SCN3A: variants seen among roughly 807,000 people sequenced by gnomAD.
SCN3A encodes the protein sodium channel protein type 3 subunit alpha.
In SCN3A, 60 loss-of-function variants were observed where a neutral mutation model predicts 187.6. The observed-to-expected ratio is 0.32, with a 90% confidence interval of 0.26 to 0.40. The LOEUF (loss-of-function observed/expected upper bound fraction) is 0.40, where lower values mean the gene tolerates loss of function less well. Among genes scored for constraint, SCN3A ranks in the 10% least tolerant of loss-of-function variants. SCN3A has a pLI of 1.00. For synonymous variants in SCN3A, 788 were observed against 829.2 expected (o/e 0.95, Z 0.85); for missense variants, 1,601 against 2,428.2 (o/e 0.66, Z 7.16).
rs950595171 is a variant in SCN3A, at chr2:165,090,457, T to A, written c.5696A>T (p.Gln1899Leu). ...EPITTTLKRK[Q>L]EEVSAAIIQR... ...AATGATAGCGGCAGACACCTCCTCT[T>A]GTTTACGTTTCAAAGTGGTTGTAAT... is the stretch of plus-strand genomic sequence containing the variant. The change falls in exon 28 of 28, where the codon CAA becomes CTA. Residue 1899 changes from glutamine (Q) to leucine (L), a missense_variant. By Grantham distance (113) the Gln-to-Leu change is moderately radical. This residue lies in a region of SCN3A where 110 missense variants were observed against 175.9 expected (regional missense o/e 0.63). Coordinates refer to ENST00000283254, the MANE Select transcript of SCN3A (RefSeq NM_006922.4). This position sits in a 1 kb window ranked among gnomAD's most constrained non-coding sequence, Gnocchi z 4.0. 3.1e-6 allele frequency: 5 copies of A among 1,613,956 alleles called. No homozygotes were observed. The African/African-American group carries it at 6.7e-5, about 22-fold the overall frequency.
At chr2:165,192,075 C>A (rs932827191) in intron 1 of SCN3A, among the ~76,000 whole-genome samples, 1 of 151,874 alleles carries the variant, frequency 6.6e-6, no homozygotes, top group Non-Finnish European at 1.5e-5. Flanking sequence ...AATCAGATAA[C>A]TTTGTTTTGT....
In SCN3A at chr2:165,176,158, G is replaced by C; in HGVS notation, c.237C>G (p.Asp79Glu). 6.2e-7 allele frequency: 1 copy of C among 1,613,822 alleles called. No homozygotes were observed. The highest frequency in any genetic ancestry group is 1.1e-5 in the South Asian group (1 of 91,066). Reference sequence around the variant, plus strand: ...TCTTATTGATATAGTAGGGATCCAGGTCCTCCAGGGGCTCTGACACCATCT... The same window carrying C: ...TCTTATTGATATAGTAGGGATCCAGCTCCTCCAGGGGCTCTGACACCATCT... Reference protein sequence around the residue: ...PPEMVSEPLEDLDPYYINKKT... With the variant: ...PPEMVSEPLEELDPYYINKKT... The change falls in exon 3 of 28, where the codon GAC (aspartate) becomes GAG (glutamate). Residue 79 changes from aspartate (D) to glutamate (E), a missense_variant. Coordinates refer to ENST00000283254, the MANE Select transcript of SCN3A (RefSeq NM_006922.4).
At chr2:165,126,262 T>C (rs990558946) in intron 18 of SCN3A, among the ~76,000 whole-genome samples, 1 of 152,162 alleles carries the variant, frequency 6.6e-6, no homozygotes, top group Admixed American at 6.5e-5. Context: ...AAATAAATAA[T>C]AGTAAAGAAT....
intron 1 of SCN3A, among the ~76,000 whole-genome samples, chr2:165,201,232 C>A (rs998690167): frequency 2.0e-5 from 3 of 151,988 alleles, no homozygotes; most frequent in Non-Finnish European, 4.4e-5. Flanking sequence ...TATAAACTCT[C>A]CAGGAATTGC....
rs558407270 is a variant in SCN3A, at chr2:165,156,512, C to CA, written c.1032-610dup. On this transcript the variant is annotated intron_variant, in intron 9 of 27. Transcript: ENST00000283254. ...TGGGTGACAGAGCGAGACTCTGACT[C>CA]AAAAAAAAAAAAAAAAAAAAAAAAA... Among the ~76,000 whole-genome samples, 84 of 63,702 alleles carry CA rather than the reference C, an allele frequency of 1.3e-3. 4 individuals are homozygous for CA. The highest frequency in any genetic ancestry group is 2.3e-3 in the Non-Finnish European group (78 of 34,286). The allele number at this position is 63,702 out of a possible 152,430, so 41.8% of individuals were successfully genotyped here.
rs564188658 is a variant in SCN3A, at chr2:165,144,695, T to A, written c.1671+2044A>T. ...TGGCTCCTGTTCCTCTTTTCCTGCTTACTTTTTTTTCCCTTAACATTTGTT... is the reference window on the plus strand; with the variant it reads ...TGGCTCCTGTTCCTCTTTTCCTGCTAACTTTTTTTTCCCTTAACATTTGTT... On this transcript the variant is annotated intron_variant, in intron 12 of 27. Transcript: ENST00000283254. Among the ~76,000 whole-genome samples the A allele has an allele frequency of 3.3e-5, 5 of 152,310 alleles. No homozygotes were observed. The East Asian group carries it at 9.6e-4, about 29-fold the overall frequency.
In SCN3A at chr2:165,186,670, A is replaced by G. The variant is rs938702836; in HGVS notation, c.-170T>C. 2.6e-5 allele frequency: 4 copies of G among 152,116 alleles called. No homozygotes were observed. Among genetic ancestry groups the G allele is most frequent in the Admixed American group, 1.3e-4 (2 of 15,278 alleles). 9.4% of individuals were successfully genotyped at this position (152,116 alleles called of 1,614,324 possible). ...TGCTCCTTTCCCAGTAAGCCACTCT[A>G]CTATGAATCCTTGACAGGTATCTCA... is the stretch of plus-strand genomic sequence containing the variant. On this transcript the variant is annotated 5_prime_UTR_variant, in exon 2 of 28. Coordinates refer to ENST00000283254, the MANE Select transcript of SCN3A (RefSeq NM_006922.4).
chr2:165,201,815 T>A (rs1004683044), intron 1 of SCN3A, among the ~76,000 whole-genome samples: 44 of 151,982 alleles, frequency 2.9e-4, no homozygotes, highest in Admixed American at 1.3e-4. Flanking sequence ...TCAGTGAGAG[T>A]CAAAGTTGTA....
At chr2:165,182,671 T>C (rs1414665410) in intron 2 of SCN3A, among the ~76,000 whole-genome samples, 5 of 151,196 alleles carry the variant, frequency 3.3e-5, no homozygotes, top group Non-Finnish European at 7.4e-5. Flanking sequence ...TTAACCCAAA[T>C]AGAGAAATGG....
intron 9 of SCN3A, among the ~76,000 whole-genome samples, chr2:165,161,351 A>G (rs561293604): frequency 9.2e-4 from 139 of 151,908 alleles, no homozygotes; most frequent in African/African-American, 3.3e-3. Context: ...AGCTTAGGAC[A>G]CTTTTCCAAG....
intron 7 of SCN3A, 119 bp downstream of exon 7, chr2:165,163,499 T>A (rs1689537564): frequency 3.4e-6 from 4 of 1,164,572 alleles, no homozygotes; most frequent in Middle Eastern, 2.0e-4. Flanking sequence ...AAACATCATT[T>A]GGCATTATTT....
Position 165,090,165 on chromosome 2 carries a change from TC to T in SCN3A, c.5987del (p.Arg1996LysfsTer39). The T allele has an allele frequency of 4.4e-6, 7 of 1,585,086 alleles. No homozygotes were observed. The South Asian group carries it at 6.8e-5, about 15-fold the overall frequency. On this transcript the variant is annotated frameshift_variant, in exon 28 of 28. Coordinates refer to ENST00000283254, the MANE Select transcript of SCN3A (RefSeq NM_006922.4). LOFTEE classifies it high-confidence loss of function. The surrounding 1 kb of genome is among the most constrained non-coding windows in gnomAD (Gnocchi z 4.0). ...PEKESKGKEVRENQK is the reference protein window; with the variant it reads ...PEKESKGKEVXENQK Reference sequence around the variant, plus strand: ...TTGTTTCTTTTTACTTTTGATTTTCTCTGACCTCTTTTCCTTTGCTTTCTTT... The same window carrying T: ...TTGTTTCTTTTTACTTTTGATTTTCTTGACCTCTTTTCCTTTGCTTTCTTT...
At chr2:165,194,298 T>A (rs1691801075) in intron 1 of SCN3A, among the ~76,000 whole-genome samples, 1 of 152,120 alleles carries the variant, frequency 6.6e-6, no homozygotes. Context: ...AGTACCTCTT[T>A]TATCACTAAA....
At chr2:165,144,789 G>A (rs952627294) in intron 12 of SCN3A, among the ~76,000 whole-genome samples, 1 of 151,856 alleles carries the variant, frequency 6.6e-6, no homozygotes, top group Non-Finnish European at 1.5e-5. Context: ...AAATTTCCAT[G>A]AGGTCAGTGG....
At chr2:165,143,821 T>C (rs767616297) in intron 12 of SCN3A, among the ~76,000 whole-genome samples, 4 of 152,154 alleles carry the variant, frequency 2.6e-5, no homozygotes, top group Non-Finnish European at 5.9e-5. Flanking sequence ...GACACAGTCA[T>C]GCATGTAGGG....
intron 11 of SCN3A, among the ~76,000 whole-genome samples, chr2:165,151,435 T>C (rs1273229455): frequency 6.6e-6 from 1 of 152,178 alleles, no homozygotes; most frequent in Admixed American, 6.5e-5. Flanking sequence ...TGGCCAAAAT[T>C]GAGTAACAGA....
intron 12 of SCN3A, among the ~76,000 whole-genome samples, chr2:165,144,227 G>A (rs1982209): frequency 0.17 from 25,582 of 151,982 alleles, 2,527 homozygotes; most frequent in East Asian, 0.27. Context: ...ATTGTAAACC[G>A]TTTATGGTAC....
At chr2:165,118,597 T>C (rs530276893) in intron 18 of SCN3A, among the ~76,000 whole-genome samples, 12 of 152,124 alleles carry the variant, frequency 7.9e-5, no homozygotes, top group African/African-American at 2.4e-4. Flanking sequence ...CTTTTTTTTT[T>C]CCCCCTTGGG....
chr2:165,170,743 T>G (rs1690051454), intron 3 of SCN3A, among the ~76,000 whole-genome samples, 195 bp from the exon 4 acceptor site: 1 of 152,018 alleles, frequency 6.6e-6, no homozygotes. Context: ...TACTATTTAC[T>G]ATTACCTAAT....
Sources: allele counts gnomAD v4.1 joint callset (sites outside exome capture counted in the v4.1 genomes callset), GRCh38; gene constraint gnomAD v4.1.1; regional missense constraint gnomAD v4.1.1; non-coding constraint Gnocchi (gnomAD v3.1); transcripts MANE v1.5; gene names NCBI Gene and HGNC (gene_info 2026-07-23, HGNC 2026-07-21).